The following ADAMTSL1 variants were observed in gnomAD, a reference collection of about 807,000 sequenced individuals.
The protein encoded by ADAMTSL1 is ADAMTS-like protein 1.
Under a neutral mutation model 201.8 loss-of-function variants are expected in ADAMTSL1, and 126 were observed. That is an observed-to-expected ratio of 0.62 (90% CI 0.54 to 0.72). The LOEUF is 0.72. Among genes scored for constraint, ADAMTSL1 ranks in the 30% least tolerant of loss-of-function variants. The pLI is 0.00. For synonymous variants in ADAMTSL1, 1,121 were observed against 903.4 expected, an observed-to-expected ratio of 1.24 and a Z score of -4.32; for missense variants, 2,679 against 2,277.8, an observed-to-expected ratio of 1.18 and a Z score of -3.59.
intron 1 of ADAMTSL1, among the ~76,000 whole-genome samples, chr9:17,983,076 C>CTTTT (rs36025746): frequency 2.6e-5 from 3 of 114,206 alleles, no homozygotes; most frequent in Non-Finnish European, 3.4e-5. Context: ...TTCTTTCTTT[C>CTTTT]TTTTTTTTTT....
At chr9:18,677,125 G>T (rs894548387) in intron 10 of ADAMTSL1, among the ~76,000 whole-genome samples, 6 of 151,582 alleles carry the variant, frequency 4.0e-5, no homozygotes, top group Admixed American at 2.0e-4. Context: ...CTAGTGACTG[G>T]CAGGGAACTC....
chr9:18,746,010 A>T (rs958808070), intron 15 of ADAMTSL1, among the ~76,000 whole-genome samples: 1 of 152,208 alleles, frequency 6.6e-6, no homozygotes, highest in Non-Finnish European at 1.5e-5. Context: ...GAAGAAGGAA[A>T]GGCCAGTTTG....
At chr9:18,624,235 A>T (rs367654770) in intron 5 of ADAMTSL1, among the ~76,000 whole-genome samples, 9 of 152,344 alleles carry the variant, frequency 5.9e-5, no homozygotes, top group African/African-American at 2.2e-4. Flanking sequence ...GAATGAGGTA[A>T]CTTAGACATT....
intron 14 of ADAMTSL1, chr9:18,718,240 T>A (rs1678399308): frequency 1.3e-6 from 1 of 762,054 alleles, no homozygotes; most frequent in African/African-American, 1.7e-5. Context: ...ATCTGTTCTC[T>A]CAAGTCTTGC....
intron 2 of ADAMTSL1, among the ~76,000 whole-genome samples, chr9:18,417,376 A>AG (rs1473179203): frequency 2.0e-5 from 3 of 149,050 alleles, no homozygotes; most frequent in South Asian, 4.2e-4. Context: ...GGAAAAAAAA[A>AG]AAAAAGAAAA....
intron 26 of ADAMTSL1, among the ~76,000 whole-genome samples, chr9:18,895,707 T>C (rs574640572): frequency 6.6e-6 from 1 of 152,306 alleles, no homozygotes; most frequent in South Asian, 2.1e-4. Flanking sequence ...CTCAGACTGA[T>C]TACTATGCTC....
chr9:18,659,094 A>G (rs1828897185), intron 8 of ADAMTSL1, among the ~76,000 whole-genome samples: 2 of 152,258 alleles, frequency 1.3e-5, no homozygotes, highest in African/African-American at 4.8e-5. Context: ...AGCACATCAA[A>G]TAAATTCTAG....
At chr9:18,538,571 G>A (rs1324943154) in intron 3 of ADAMTSL1, among the ~76,000 whole-genome samples, 1 of 152,070 alleles carries the variant, frequency 6.6e-6, no homozygotes, top group Non-Finnish European at 1.5e-5. Context: ...CATGACTATA[G>A]TGAAAAGATT....
At chr9:18,718,987 A>T (rs540588782) in intron 14 of ADAMTSL1, among the ~76,000 whole-genome samples, 1 of 152,240 alleles carries the variant, frequency 6.6e-6, no homozygotes, top group African/African-American at 2.4e-5. Context: ...TAGATTCTGT[A>T]TGGGATAGAA....
Position 17,940,809 on chromosome 9 carries a change from C to CCG in ADAMTSL1, c.87+33888_87+33889insGC, listed in dbSNP as rs1253804244. Among the ~76,000 whole-genome samples, 24 of 64,356 alleles carry CCG rather than the reference C, an allele frequency of 3.7e-4. 3 individuals are homozygous for CCG. Among genetic ancestry groups the CCG allele is most frequent in the East Asian group, 2.2e-3 (1 of 452 alleles). The allele number at this position is 64,356 out of a possible 152,430, so 42.2% of individuals were successfully genotyped here. On this transcript the variant is annotated intron_variant, in intron 1 of 29. Transcript: ENST00000680146. ...AAAATAAAAGTAAATAACACCCCCC[C>CCG]CCCAAAAAAAAGAAAGAAATAACGA... is the stretch of plus-strand genomic sequence containing the variant.
intron 3 of ADAMTSL1, among the ~76,000 whole-genome samples, chr9:18,550,628 C>T (rs1820742523): frequency 6.6e-6 from 1 of 151,858 alleles, no homozygotes; most frequent in East Asian, 1.9e-4. Flanking sequence ...GTAAGCCCTT[C>T]CAATGCCTTG....
chr9:18,842,827 A>C (rs1825815722), intron 23 of ADAMTSL1, among the ~76,000 whole-genome samples: 2 of 152,016 alleles, frequency 1.3e-5, no homozygotes, highest in Non-Finnish European at 2.9e-5. Context: ...GTTGGTTTGA[A>C]GTCTGTTTTA....
At chr9:18,442,419 C>T (rs1448666959) in intron 2 of ADAMTSL1, among the ~76,000 whole-genome samples, 1 of 152,128 alleles carries the variant, frequency 6.6e-6, no homozygotes, top group African/African-American at 2.4e-5. Context: ...AAGGTTAAGT[C>T]GTATCTTCTA....
At chr9:18,288,209 G>A (rs1402161029) in intron 2 of ADAMTSL1, among the ~76,000 whole-genome samples, 1 of 152,034 alleles carries the variant, frequency 6.6e-6, no homozygotes, top group African/African-American at 2.4e-5. Context: ...ACAGACCAAC[G>A]AGAACGCATA....
chr9:18,786,184 C>G (rs753860650), intron 19 of ADAMTSL1, among the ~76,000 whole-genome samples: 9 of 152,338 alleles, frequency 5.9e-5, no homozygotes, highest in East Asian at 1.9e-4. Context: ...GATACTCCTA[C>G]TAACATGGAA....
At chr9:17,979,767 T>G (rs1435431662) in intron 1 of ADAMTSL1, among the ~76,000 whole-genome samples, 4 of 152,208 alleles carry the variant, frequency 2.6e-5, no homozygotes, top group Non-Finnish European at 4.4e-5. Flanking sequence ...AGTTCCAGAC[T>G]GGCTTCAATA....
intron 2 of ADAMTSL1, among the ~76,000 whole-genome samples, chr9:18,532,906 A>G (rs891739502): frequency 6.6e-6 from 1 of 151,920 alleles, no homozygotes; most frequent in Non-Finnish European, 1.5e-5. Context: ...TATATCTTCA[A>G]TTTTATATCA....
chr9:18,193,111 T>A (rs1415821819), intron 2 of ADAMTSL1, among the ~76,000 whole-genome samples: 1 of 152,096 alleles, frequency 6.6e-6, no homozygotes, highest in Non-Finnish European at 1.5e-5. Context: ...GCTAAATAAA[T>A]AAATAAAGCT....
At chr9:18,159,170 C>A (rs952570531) in intron 1 of ADAMTSL1, among the ~76,000 whole-genome samples, 5 of 151,982 alleles carry the variant, frequency 3.3e-5, no homozygotes, top group African/African-American at 1.2e-4. Flanking sequence ...GAATGTATAG[C>A]TTTACTATCT....
Sources: gnomAD v4.1 joint callset for allele counts (sites outside exome capture counted in the v4.1 genomes callset) on GRCh38, gnomAD v4.1.1 for gene constraint, MANE v1.5 for transcripts, NCBI Gene and HGNC (gene_info 2026-07-23, HGNC 2026-07-21) for gene names.